MIS18A: variants seen among roughly 807,000 people sequenced by gnomAD.
MIS18A encodes protein Mis18-alpha.
Under a neutral mutation model 25.0 loss-of-function variants are expected in MIS18A, and 14 were observed. The ratio of observed to expected loss-of-function variants is 0.56; its 90% confidence interval spans 0.37 to 0.88. The LOEUF (loss-of-function observed/expected upper bound fraction) is 0.88. Among genes scored for constraint, MIS18A ranks in the 40% least tolerant of loss-of-function variants. The pLI, the probability that MIS18A is intolerant of heterozygous loss-of-function variation, is 0.00. For missense variants in MIS18A, 292 were observed against 290.8 expected, an observed-to-expected ratio of 1.00 and a Z score of -0.03; for synonymous variants, 134 against 118.6, an observed-to-expected ratio of 1.13 and a Z score of -0.84.
the MIS18A span, chr21:32,261,562 G>A: frequency 5.9e-5 from 9 of 152,264 alleles, no homozygotes; most frequent in Non-Finnish European, 1.3e-4. Context: ...TTGTTCCATT[G>A]AAGATGGAAT....
the MIS18A span, among the ~76,000 whole-genome samples, chr21:32,199,530 G>A: frequency 1.3e-5 from 2 of 152,100 alleles, no homozygotes; most frequent in African/African-American, 4.8e-5. Context: ...TCTTGGGGCC[G>A]GGCGTGGTGG....
chr21:32,187,399 G>A, the MIS18A span, among the ~76,000 whole-genome samples: 1 of 152,204 alleles, frequency 6.6e-6, no homozygotes, highest in Admixed American at 6.5e-5. Flanking sequence ...AAAGTGGAGT[G>A]AGTGGAGTTT....
At chr21:32,262,931 G>C in the MIS18A span, among the ~76,000 whole-genome samples, 1 of 152,072 alleles carries the variant, frequency 6.6e-6, no homozygotes, top group Non-Finnish European at 1.5e-5. Context: ...TTAAACAGGT[G>C]TGACTATCCC....
At chr21:32,191,293 A>G in the MIS18A span, among the ~76,000 whole-genome samples, 2 of 152,220 alleles carry the variant, frequency 1.3e-5, no homozygotes, top group African/African-American at 4.8e-5. Flanking sequence ...TTTTCAGCAT[A>G]AAAGTTCTGC....
the MIS18A span, among the ~76,000 whole-genome samples, chr21:32,201,344 A>G: frequency 6.6e-6 from 1 of 152,082 alleles, no homozygotes; most frequent in Non-Finnish European, 1.5e-5. Flanking sequence ...AAATACACTG[A>G]AAGTCTGTTT....
chr21:32,250,902 C>A, the MIS18A span, among the ~76,000 whole-genome samples: 1 of 152,204 alleles, frequency 6.6e-6, no homozygotes, highest in African/African-American at 2.4e-5. Context: ...TTCCCATAAT[C>A]CCTACATGTG....
At chr21:32,267,956 G>C (rs947365413), downstream of MIS18A, among the ~76,000 whole-genome samples, 1 of 152,188 alleles carries the variant, frequency 6.6e-6, no homozygotes, top group Non-Finnish European at 1.5e-5. Context: ...CAGTCAATGT[G>C]ACTTAGGACC....
the MIS18A span, among the ~76,000 whole-genome samples, chr21:32,259,298 G>A: frequency 6.6e-6 from 1 of 152,178 alleles, no homozygotes; most frequent in African/African-American, 2.4e-5. Flanking sequence ...GGCCTCTGGA[G>A]GGCATTCTCT....
chr21:32,208,151 C>T, the MIS18A span, among the ~76,000 whole-genome samples: 5 of 152,320 alleles, frequency 3.3e-5, no homozygotes, highest in African/African-American at 1.2e-4. Flanking sequence ...CTCTCTGAGA[C>T]TCTTAACTTG....
the MIS18A span, among the ~76,000 whole-genome samples, chr21:32,238,314 C>T: frequency 2.0e-5 from 3 of 152,190 alleles, no homozygotes; most frequent in Non-Finnish European, 2.9e-5. Context: ...TGACTTTATA[C>T]AACTTAGGTT....
the MIS18A span, among the ~76,000 whole-genome samples, chr21:32,172,034 A>G: frequency 6.6e-6 from 1 of 152,096 alleles, no homozygotes; most frequent in Non-Finnish European, 1.5e-5. Context: ...AAGGTATATG[A>G]AAAGGCACTC....
chr21:32,252,931 G>A, the MIS18A span, among the ~76,000 whole-genome samples: 10 of 152,146 alleles, frequency 6.6e-5, no homozygotes, highest in Non-Finnish European at 1.2e-4. Context: ...CTACTCACTC[G>A]TCCATTTGGT....
In MIS18A at chr21:32,269,800, A is replaced by G. The variant is rs2123463320; in HGVS notation, c.528T>C (p.Tyr176=). ...FCLSVEAIES[Y]VLGSSEKQIV... is the part of the protein sequence containing the mutation. ...TTTGCTTTTCAGAGGACCCTAAAAC[A>G]TAACTGAAGTACGGTACAAGGTTAA... The change falls in exon 4 of 5, where the codon TAT becomes TAC. Residue 176 remains tyrosine, a synonymous_variant. Transcript: ENST00000290130. 6.3e-7 allele frequency: 1 copy of G among 1,580,126 alleles called. No individual in the cohort carries two copies. Among genetic ancestry groups the G allele is most frequent in the Non-Finnish European group, 8.7e-7 (1 of 1,149,122 alleles).
chr21:32,220,429 T>A, the MIS18A span, among the ~76,000 whole-genome samples: 1 of 152,006 alleles, frequency 6.6e-6, no homozygotes, highest in African/African-American at 2.4e-5. Flanking sequence ...AGCAATAGCA[T>A]CAACATCAAC....
the MIS18A span, among the ~76,000 whole-genome samples, chr21:32,184,668 C>G: frequency 2.0e-5 from 3 of 152,170 alleles, no homozygotes; most frequent in Non-Finnish European, 4.4e-5. Flanking sequence ...ATACGACCAA[C>G]AGATGTCCCA....
At chr21:32,257,901 G>T in the MIS18A span, among the ~76,000 whole-genome samples, 3 of 152,164 alleles carry the variant, frequency 2.0e-5, no homozygotes, top group Non-Finnish European at 4.4e-5. Flanking sequence ...AGTTGCCTGA[G>T]TTCACTTTAA....
chr21:32,204,859 C>A, the MIS18A span, among the ~76,000 whole-genome samples: 1 of 152,128 alleles, frequency 6.6e-6, no homozygotes, highest in African/African-American at 2.4e-5. Flanking sequence ...CGCACTCTAG[C>A]CTGGGCGACA....
chr21:32,221,597 G>A, the MIS18A span, among the ~76,000 whole-genome samples: 2 of 151,660 alleles, frequency 1.3e-5, no homozygotes, highest in African/African-American at 4.8e-5. Flanking sequence ...AACAACTAGT[G>A]GTCCAGGTGT....
the MIS18A span, among the ~76,000 whole-genome samples, chr21:32,195,220 G>T: frequency 6.6e-6 from 1 of 152,164 alleles, no homozygotes; most frequent in African/African-American, 2.4e-5. Flanking sequence ...ATTTTGAGAT[G>T]CCTGTCTTAA....
Sources: allele counts gnomAD v4.1 joint callset (sites outside exome capture counted in the v4.1 genomes callset), GRCh38; gene constraint gnomAD v4.1.1; transcripts MANE v1.5; gene names NCBI Gene and HGNC (gene_info 2026-07-23, HGNC 2026-07-21).